The following SUMF1 variants were observed in gnomAD, a reference collection of about 807,000 sequenced individuals.
The protein encoded by SUMF1 is sulfatase modifying factor 1.
A neutral mutation model predicts 47.6 loss-of-function variants in SUMF1; 48 were observed. That is an observed-to-expected ratio of 1.01 (90% CI 0.80 to 1.28). The LOEUF (loss-of-function observed/expected upper bound fraction) is 1.28, where lower values mean the gene tolerates loss of function less well. Ranked by LOEUF, SUMF1 falls within the 50% of genes most tolerant of loss-of-function variation. The pLI is 0.00. For synonymous variants in SUMF1, 230 were observed against 192.1 expected (o/e 1.20, Z -1.63); for missense variants, 571 against 485.4 (o/e 1.18, Z -1.66).
At chr3:4,383,076 A>AG (rs1700560021) in intron 7 of SUMF1, among the ~76,000 whole-genome samples, 1 of 21,842 alleles carries the variant, frequency 4.6e-5, no homozygotes, top group Non-Finnish European at 2.7e-4. Flanking sequence ...TATAATAAAA[A>AG]GAAAAAAAAA....
intron 6 of SUMF1, among the ~76,000 whole-genome samples, chr3:4,414,026 G>T (rs759272464): frequency 1.3e-3 from 201 of 152,178 alleles, no homozygotes; most frequent in Non-Finnish European, 2.1e-3. Flanking sequence ...GCCACGCCCG[G>T]CTAATTTTTC....
In SUMF1 at chr3:4,180,098, AGT is replaced by A. The variant is rs748455038; in HGVS notation, c.1015-111355_1015-111354del. ...GGAACGCTTTTACACTGTTGGTGGG[AGT>A]GTAAATTAGTTCCACCATTGTGGAA... On this transcript the variant is annotated intron_variant and NMD_transcript_variant, in intron 8 of 12. Transcript: ENST00000448413. Among the ~76,000 whole-genome samples, 9 of 152,332 alleles carry A rather than the reference AGT, an allele frequency of 5.9e-5. No individual in the cohort carries two copies. In the East Asian group the frequency reaches 9.7e-4, roughly 16 times the overall value.
chr3:4,086,580 A>G (rs1391579103), intron 8 of SUMF1, among the ~76,000 whole-genome samples: 1 of 152,200 alleles, frequency 6.6e-6, no homozygotes, highest in Non-Finnish European at 1.5e-5. Flanking sequence ...TGCTTATCTT[A>G]CAGGGATGAA....
downstream of SUMF1, among the ~76,000 whole-genome samples, chr3:4,358,557 C>T (rs1391021701): frequency 1.3e-5 from 2 of 152,110 alleles, no homozygotes; most frequent in South Asian, 2.1e-4. Context: ...AACAAGCAGG[C>T]ACAAACCTTC....
chr3:4,289,484 C>T (rs1032649610), intron 8 of SUMF1, among the ~76,000 whole-genome samples: 4 of 152,162 alleles, frequency 2.6e-5, no homozygotes, highest in Non-Finnish European at 5.9e-5. Flanking sequence ...CATTACTACA[C>T]TAGCAATTAG....
At chr3:4,229,245 T>G (rs1696242479) in intron 8 of SUMF1, 2 of 289,094 alleles carry the variant, frequency 6.9e-6, no homozygotes, top group Non-Finnish European at 1.4e-5. Flanking sequence ...GTCACAAGAA[T>G]CCACTGCCCA....
chr3:4,410,803 G>T, intron 7 of SUMF1, 62 bp downstream of exon 7: 1 of 1,448,122 alleles, frequency 6.9e-7, no homozygotes, highest in Non-Finnish European at 9.7e-7. Context: ...CAGCCTGGCT[G>T]CAGACTGCCC....
downstream of SUMF1, among the ~76,000 whole-genome samples, chr3:4,357,416 G>A (rs955505586): frequency 1.3e-5 from 2 of 151,802 alleles, no homozygotes; most frequent in East Asian, 3.9e-4. Context: ...TTTGGAAAAG[G>A]TGATTAGCAA....
At chr3:4,241,208 C>A (rs1207801631) in intron 8 of SUMF1, among the ~76,000 whole-genome samples, 3 of 152,122 alleles carry the variant, frequency 2.0e-5, no homozygotes, top group Non-Finnish European at 4.4e-5. Flanking sequence ...TAGAACATTT[C>A]CACAGAGTGC....
At chr3:4,263,582 C>A (rs1189303290) in intron 8 of SUMF1, among the ~76,000 whole-genome samples, 2 of 152,148 alleles carry the variant, frequency 1.3e-5, no homozygotes, top group African/African-American at 4.8e-5. Flanking sequence ...CAGCAACCCA[C>A]CAAGCATTCT....
Position 4,219,734 on chromosome 3 carries a change from G to C in SUMF1, c.1015-150989C>G, listed in dbSNP as rs569976738. On this transcript the variant is annotated intron_variant and NMD_transcript_variant, in intron 8 of 12. Coordinates refer to the SUMF1 transcript ENST00000448413. ...GGTACCTCCATAAGAAATACACTGG[G>C]AATATGTTAAAAATATAAATTCCTG... Among the ~76,000 whole-genome samples the C allele has an allele frequency of 2.0e-4, 31 of 152,198 alleles. No homozygotes were observed. In the South Asian group the frequency reaches 3.9e-3, roughly 19 times the overall value.
At chr3:4,283,047 G>A (rs1197259064) in intron 8 of SUMF1, among the ~76,000 whole-genome samples, 2 of 152,168 alleles carry the variant, frequency 1.3e-5, no homozygotes, top group Non-Finnish European at 2.9e-5. Flanking sequence ...TAGGAGCTCA[G>A]ACTGTGGACC....
chr3:4,133,767 T>A (rs1192476367), intron 8 of SUMF1, among the ~76,000 whole-genome samples: 2 of 152,088 alleles, frequency 1.3e-5, no homozygotes, highest in African/African-American at 2.4e-5. Context: ...TGTAGGACCT[T>A]CTGATCATGT....
At chr3:4,172,458 G>A (rs1694853012) in intron 8 of SUMF1, among the ~76,000 whole-genome samples, 1 of 152,072 alleles carries the variant, frequency 6.6e-6, no homozygotes, top group Non-Finnish European at 1.5e-5. Flanking sequence ...TGAGTCCCAG[G>A]CATTCTTCTG....
At chr3:4,400,648 G>A (rs1701180438) in intron 7 of SUMF1, among the ~76,000 whole-genome samples, 1 of 152,200 alleles carries the variant, frequency 6.6e-6, no homozygotes, top group African/African-American at 2.4e-5. Flanking sequence ...AGTGCTTGCT[G>A]TGTGGTGGGC....
At chr3:4,313,436 T>A in intron 8 of SUMF1, 1 of 1,614,076 alleles carries the variant, frequency 6.2e-7, no homozygotes, top group Non-Finnish European at 8.5e-7. Flanking sequence ...AACCTTTTGA[T>A]GATTCCTGTC....
At chr3:4,268,906 A>C (rs1198071124) in intron 8 of SUMF1, among the ~76,000 whole-genome samples, 1 of 152,092 alleles carries the variant, frequency 6.6e-6, no homozygotes, top group Non-Finnish European at 1.5e-5. Flanking sequence ...GTGTATATAT[A>C]CATATATATA....
intron 8 of SUMF1, among the ~76,000 whole-genome samples, chr3:4,311,928 G>A (rs1698420437): frequency 1.3e-5 from 2 of 152,168 alleles, no homozygotes; most frequent in African/African-American, 4.8e-5. Context: ...TATGCTTCAC[G>A]ATGCTAATGA....
At chr3:4,190,144 T>G (rs954776981) in intron 8 of SUMF1, among the ~76,000 whole-genome samples, 2 of 151,980 alleles carry the variant, frequency 1.3e-5, no homozygotes, top group Admixed American at 1.3e-4. Flanking sequence ...CAGTATTCTC[T>G]GAGCTTTAAA....
Sources: gnomAD v4.1 joint callset for allele counts (sites outside exome capture counted in the v4.1 genomes callset) on GRCh38, gnomAD v4.1.1 for gene constraint, MANE v1.5 for transcripts, NCBI Gene and HGNC (gene_info 2026-07-23, HGNC 2026-07-21) for gene names.